The following ADAD1 variants were observed in gnomAD, a reference collection of about 807,000 sequenced individuals.
ADAD1 encodes the protein adenosine deaminase domain containing 1.
ADAD1 carries 46 observed loss-of-function variants against 66.8 expected under a neutral mutation model. The ratio of observed to expected loss-of-function variants is 0.69; its 90% CI spans 0.54 to 0.88. The LOEUF is 0.88. ADAD1 is among the 40% of genes least tolerant of loss of function. The probability of loss-of-function intolerance (pLI) is 0.00; values close to 1 mark genes in which losing one functional copy is unlikely to be tolerated. For missense variants in ADAD1, 617 were observed against 681.8 expected (o/e 0.91, Z 1.06); for synonymous variants, 248 against 229.4 (o/e 1.08, Z -0.73).
At chr4:122,403,750 C>T (rs1300996085) in intron 7 of ADAD1, among the ~76,000 whole-genome samples, 1 of 152,074 alleles carries the variant, frequency 6.6e-6, no homozygotes, top group Non-Finnish European at 1.5e-5. Flanking sequence ...GTAGAGCTCC[C>T]AAGAGTGCCT....
At chr4:122,422,368 A>G (rs1013245715) in intron 12 of ADAD1, among the ~76,000 whole-genome samples, 1 of 151,648 alleles carries the variant, frequency 6.6e-6, no homozygotes, top group Non-Finnish European at 1.5e-5. Context: ...CAGGTGATCC[A>G]CCCGCCTCAG....
At chr4:122,429,203 G>GT (rs1411902325) in intron 12 of ADAD1, among the ~76,000 whole-genome samples, 5 of 151,810 alleles carry the variant, frequency 3.3e-5, no homozygotes, top group Non-Finnish European at 7.4e-5. Context: ...GGAGGCCAAG[G>GT]TGGGAGGACC....
chr4:122,394,293 G>T (rs888102280), intron 6 of ADAD1, among the ~76,000 whole-genome samples: 13 of 152,246 alleles, frequency 8.5e-5, no homozygotes, highest in Middle Eastern at 3.4e-3. Flanking sequence ...TTGTATGGTA[G>T]TTATTATATA....
intron 7 of ADAD1, among the ~76,000 whole-genome samples, chr4:122,407,234 A>C (rs1456978906): frequency 8.0e-6 from 1 of 124,582 alleles, no homozygotes; most frequent in Admixed American, 7.7e-5. Context: ...AGTATATTCA[A>C]AGGGGAATAT....
chr4:122,398,242 G>A (rs1004258476), intron 7 of ADAD1, among the ~76,000 whole-genome samples: 2 of 151,770 alleles, frequency 1.3e-5, no homozygotes, highest in Non-Finnish European at 2.9e-5. Flanking sequence ...AACATAGAAT[G>A]TTTGATTTTC....
At chr4:122,383,712 G>A in intron 4 of ADAD1, 87 bp from the exon 5 acceptor site, 2 of 1,382,550 alleles carry the variant, frequency 1.4e-6, no homozygotes, top group South Asian at 1.8e-5. Flanking sequence ...GAGAATTTTT[G>A]TACTGGAATG....
Position 122,396,263 on chromosome 4 carries a change from A to G in ADAD1, c.610A>G (p.Ile204Val). 6.3e-7 allele frequency: 1 copy of G among 1,589,146 alleles called. No homozygotes were observed. The highest frequency in any genetic ancestry group is 8.5e-7 in the Non-Finnish European group (1 of 1,170,182). The stretch of plus-strand genomic sequence containing the variant: ...TGATTTTTTTCTAGAAGGGAGACAT[A>G]TTCAATATGCAAAGATTTCACAGAT... Reference protein sequence around the residue: ...VSKVHYEGRHIQYAKISQIVK... With the variant: ...VSKVHYEGRHVQYAKISQIVK... The change falls in exon 7 of 13, where the codon ATT becomes GTT. Residue 204 changes from isoleucine to valine, a missense_variant. Ile to Val is a conservative substitution (Grantham distance 29). Coordinates refer to ENST00000296513, the MANE Select transcript of ADAD1 (RefSeq NM_139243.4).
intron 8 of ADAD1, among the ~76,000 whole-genome samples, chr4:122,409,217 T>A (rs915661335): frequency 6.6e-5 from 10 of 152,196 alleles, no homozygotes; most frequent in Non-Finnish European, 1.2e-4. Context: ...GAGGAATGAA[T>A]AGCAAGTGGG....
chr4:122,394,967 T>C (rs919545358), intron 6 of ADAD1, among the ~76,000 whole-genome samples: 9 of 152,156 alleles, frequency 5.9e-5, no homozygotes, highest in East Asian at 1.9e-4. Context: ...GAAGAAAGAT[T>C]TGAGACCCAC....
At chr4:122,404,544 G>C (rs980744361) in intron 7 of ADAD1, among the ~76,000 whole-genome samples, 1 of 152,164 alleles carries the variant, frequency 6.6e-6, no homozygotes, top group Non-Finnish European at 1.5e-5. Flanking sequence ...CTGTCTCACA[G>C]AGTTTGCAAT....
intron 5 of ADAD1, among the ~76,000 whole-genome samples, chr4:122,391,629 G>A (rs2086347): frequency 1.3e-5 from 2 of 152,236 alleles, no homozygotes; most frequent in Non-Finnish European, 2.9e-5. Flanking sequence ...TAGGCCTGAA[G>A]AGGCCCTTTG....
At chr4:122,419,237 A>C (rs1796897589) in intron 11 of ADAD1, among the ~76,000 whole-genome samples, 1 of 152,200 alleles carries the variant, frequency 6.6e-6, no homozygotes. Flanking sequence ...AGGGCCATGG[A>C]TGGAGCTGGA....
At chr4:122,399,770 AG>A (rs1329056668) in intron 7 of ADAD1, among the ~76,000 whole-genome samples, 1 of 144,066 alleles carries the variant, frequency 6.9e-6, no homozygotes, top group African/African-American at 2.5e-5. Context: ...GCTGTTGTAA[AG>A]GGGGTTTAGT....
chr4:122,409,675 G>A (rs1796381862), intron 8 of ADAD1, among the ~76,000 whole-genome samples: 1 of 151,482 alleles, frequency 6.6e-6, no homozygotes, highest in African/African-American at 2.4e-5. Flanking sequence ...TTTTCTTATG[G>A]ATGTTTTGGG....
chr4:122,422,662 G>A (rs753546626), intron 12 of ADAD1, among the ~76,000 whole-genome samples: 1 of 151,898 alleles, frequency 6.6e-6, no homozygotes, highest in Non-Finnish European at 1.5e-5. Flanking sequence ...TTCTAGTTTT[G>A]TGGCATAAAG....
chr4:122,398,986 G>A (rs111545194), intron 7 of ADAD1, among the ~76,000 whole-genome samples: 23,155 of 151,856 alleles, frequency 0.15, 2,244 homozygotes, highest in Middle Eastern at 0.33. Flanking sequence ...AGCCTCATCT[G>A]TTTATCTTTG....
chr4:122,389,637 G>C (rs1795344253), intron 5 of ADAD1, among the ~76,000 whole-genome samples: 1 of 151,900 alleles, frequency 6.6e-6, no homozygotes, highest in Non-Finnish European at 1.5e-5. Context: ...TTTGATCTTT[G>C]TTGGTTTAAA....
At chr4:122,426,866 C>G (rs1451783008) in intron 12 of ADAD1, among the ~76,000 whole-genome samples, 1 of 152,116 alleles carries the variant, frequency 6.6e-6, no homozygotes, top group East Asian at 1.9e-4. Context: ...AAGAGCCTAC[C>G]ATTGACATTC....
At chr4:122,384,419 C>G (rs1255584620) in intron 5 of ADAD1, among the ~76,000 whole-genome samples, 1 of 152,082 alleles carries the variant, frequency 6.6e-6, no homozygotes, top group Non-Finnish European at 1.5e-5. Context: ...TTCGATTGCT[C>G]AGGTTGGAAT....
Sources: gnomAD v4.1 joint callset for allele counts (sites outside exome capture counted in the v4.1 genomes callset) on GRCh38, gnomAD v4.1.1 for gene constraint, MANE v1.5 for transcripts, NCBI Gene and HGNC (gene_info 2026-07-23, HGNC 2026-07-21) for gene names.